GRM8: variants seen among roughly 807,000 people sequenced by gnomAD.
GRM8 encodes the protein metabotropic glutamate receptor 8.
GRM8 carries 47 observed loss-of-function variants against 87.2 expected under a neutral mutation model. The observed-to-expected ratio is 0.54, with a 90% CI of 0.43 to 0.69. The LOEUF (loss-of-function observed/expected upper bound fraction) is 0.69. GRM8 is among the 30% of genes least tolerant of loss of function. GRM8 has a pLI of 0.00. For synonymous variants in GRM8, 396 were observed against 404.5 expected, an observed-to-expected ratio of 0.98 and a Z score of 0.25; for missense variants, 1,019 against 1,139.2, an observed-to-expected ratio of 0.89 and a Z score of 1.52.
At chr7:126,845,601 C>G (rs189471072) in intron 6 of GRM8, among the ~76,000 whole-genome samples, 1 of 152,108 alleles carries the variant, frequency 6.6e-6, no homozygotes, top group Non-Finnish European at 1.5e-5. Context: ...CACATTTGTA[C>G]AATCTCATAC....
At chr7:126,752,319 C>G (rs927719235) in intron 7 of GRM8, among the ~76,000 whole-genome samples, 1 of 152,036 alleles carries the variant, frequency 6.6e-6, no homozygotes, top group Non-Finnish European at 1.5e-5. Context: ...AAAAAAATGA[C>G]TATGAAAATT....
At chr7:127,154,865 T>C (rs1792625039) in intron 2 of GRM8, among the ~76,000 whole-genome samples, 1 of 152,156 alleles carries the variant, frequency 6.6e-6, no homozygotes, top group South Asian at 2.1e-4. Flanking sequence ...GAACTCAAAC[T>C]GTCTAGAAAC....
chr7:126,885,457 T>C (rs1050030114), intron 6 of GRM8, among the ~76,000 whole-genome samples: 4 of 152,252 alleles, frequency 2.6e-5, no homozygotes, highest in Non-Finnish European at 5.9e-5. Context: ...CACAGTCTAC[T>C]CTTTTCTTCC....
At chr7:126,883,242 G>A (rs1800183303) in intron 6 of GRM8, among the ~76,000 whole-genome samples, 1 of 152,144 alleles carries the variant, frequency 6.6e-6, no homozygotes, top group Admixed American at 6.5e-5. Context: ...TCCTGGGCTA[G>A]GTAAACACCC....
At position 127,106,595 on chromosome 7, in the gene GRM8, C is replaced by T. The variant is rs140878658; in HGVS notation, c.628G>A (p.Val210Met). 18 of 1,614,122 alleles carry T rather than the reference C, an allele frequency of 1.1e-5. No homozygotes were observed. Among genetic ancestry groups the T allele is most frequent in the Admixed American group, 1.7e-5 (1 of 60,000 alleles). ...SYQAQAMVDI[V>M]TALGWNYVST... ...ACATAATTCCATCCCAGTGCTGTCA[C>T]GATGTCCACCATGGCTTGGGCTTGG... Residue 210 changes from valine (V) to methionine (M), a missense_variant, in exon 3 of 11, where the codon GTG becomes ATG. Transcript: ENST00000339582.
intron 8 of GRM8, among the ~76,000 whole-genome samples, chr7:126,609,036 C>G (rs751656424): frequency 6.6e-6 from 1 of 152,072 alleles, no homozygotes; most frequent in Non-Finnish European, 1.5e-5. Flanking sequence ...CGATTCCACA[C>G]CACCTCCAAC....
At chr7:126,528,997 G>A (rs1477980849) in intron 9 of GRM8, among the ~76,000 whole-genome samples, 1 of 152,214 alleles carries the variant, frequency 6.6e-6, no homozygotes, top group African/African-American at 2.4e-5. Flanking sequence ...TATGGCAAAA[G>A]TATCTCAATA....
intron 9 of GRM8, among the ~76,000 whole-genome samples, chr7:126,517,420 C>A (rs968567219): frequency 6.6e-6 from 1 of 151,980 alleles, no homozygotes; most frequent in Non-Finnish European, 1.5e-5. Context: ...TTTACAGACA[C>A]GAGCTGAGGC....
chr7:127,231,399 C>T (rs1213699791), intron 2 of GRM8, among the ~76,000 whole-genome samples: 1 of 152,134 alleles, frequency 6.6e-6, no homozygotes, highest in Non-Finnish European at 1.5e-5. Flanking sequence ...GCAAATTATC[C>T]ATATTTGATT....
Position 127,232,212 on chromosome 7 carries a change from T to TGTGTGTGTGTGTGTGTGTGTGTGA in GRM8, c.510+10482_510+10483insTCACACACACACACACACACACAC, listed in dbSNP as rs1491132484. On this transcript the variant is annotated intron_variant, in intron 2 of 10. Coordinates refer to ENST00000339582, the MANE Select transcript of GRM8 (RefSeq NM_000845.3). ...GTGTGTGTGTGTGTGTGTGTGTGTG[T>TGTGTGTGTGTGTGTGTGTGTGTGA]GAGAGAGAGAGAGAGAGAGAGAGAG... Among the ~76,000 whole-genome samples, 223 of 143,556 alleles carry TGTGTGTGTGTGTGTGTGTGTGTGA rather than the reference T, an allele frequency of 1.6e-3. 1 individual carries two copies. Among genetic ancestry groups the TGTGTGTGTGTGTGTGTGTGTGTGA allele is most frequent in the Admixed American group, 0.013 (178 of 14,112 alleles). 94.2% of individuals were successfully genotyped at this position (143,556 alleles called of 152,430 possible).
In GRM8 at chr7:127,030,288, C is replaced by G. The variant is rs531307651; in HGVS notation, c.727+76208G>C. Among the ~76,000 whole-genome samples the G allele has an allele frequency of 1.2e-4, 15 of 122,466 alleles. 1 individual carries two copies. The South Asian group carries it at 3.7e-3, about 30-fold the overall frequency. The allele number at this position is 122,466 out of a possible 152,430, so 80.3% of individuals were successfully genotyped here. On this transcript the variant is annotated intron_variant, in intron 3 of 10. Transcript: ENST00000339582. ...GGGATAGCTCAGCTCTGAAAAAGCACTCCCCAGAAGGTTCACCCCTCCCAG... is the reference window on the plus strand; with the variant it reads ...GGGATAGCTCAGCTCTGAAAAAGCAGTCCCCAGAAGGTTCACCCCTCCCAG...
At chr7:127,054,816 C>T (rs1210553737) in intron 3 of GRM8, among the ~76,000 whole-genome samples, 1 of 151,690 alleles carries the variant, frequency 6.6e-6, no homozygotes, top group East Asian at 1.9e-4. Flanking sequence ...TGGTAGTGTA[C>T]AGATATGGGT....
Position 126,685,248 on chromosome 7 carries a change from C to A in GRM8, c.1358-75750G>T, listed in dbSNP as rs959180567. The stretch of plus-strand genomic sequence containing the variant: ...ACCCTGGGGGCCACCATGATGGGGC[C>A]GGGCCAAGTTGCCTACAGGCAGGGG... On this transcript the variant is annotated intron_variant, in intron 7 of 10. Transcript: ENST00000339582. The surrounding 1 kb of genome is among the most constrained non-coding windows in gnomAD (Gnocchi z 4.2). Among the ~76,000 whole-genome samples the A allele has an allele frequency of 6.6e-6, 1 of 152,128 alleles. No homozygotes were observed. The highest frequency in any genetic ancestry group is 6.5e-5 in the Admixed American group (1 of 15,280).
chr7:126,766,509 T>C (rs939217048), intron 7 of GRM8, among the ~76,000 whole-genome samples: 1 of 152,142 alleles, frequency 6.6e-6, no homozygotes, highest in African/African-American at 2.4e-5. Context: ...ATGGGTCAAT[T>C]TTTTTAATTC....
At chr7:127,195,269 C>T (rs1332824727) in intron 2 of GRM8, among the ~76,000 whole-genome samples, 3 of 152,242 alleles carry the variant, frequency 2.0e-5, no homozygotes, top group South Asian at 2.1e-4. Context: ...CACATGCTTA[C>T]ACCATTTAAT....
intron 7 of GRM8, among the ~76,000 whole-genome samples, chr7:126,719,906 AT>A (rs1239642788): frequency 6.7e-6 from 1 of 149,000 alleles, no homozygotes; most frequent in South Asian, 2.1e-4. Flanking sequence ...CAAGTTCTAT[AT>A]TTTTTCTTTT....
intron 6 of GRM8, among the ~76,000 whole-genome samples, chr7:126,881,912 C>T (rs1800057753): frequency 6.6e-6 from 1 of 152,122 alleles, no homozygotes; most frequent in African/African-American, 2.4e-5. Context: ...TCTTACAAAA[C>T]ATGTAATAAT....
At chr7:127,056,894 G>C (rs1349169105) in intron 3 of GRM8, among the ~76,000 whole-genome samples, 2 of 152,152 alleles carry the variant, frequency 1.3e-5, no homozygotes, top group Admixed American at 6.6e-5. Flanking sequence ...GTTGCAGAAG[G>C]AGTGATAAAG....
chr7:126,562,829 A>G (rs12535152), intron 8 of GRM8, among the ~76,000 whole-genome samples: 46,968 of 152,052 alleles, frequency 0.31, 8,125 homozygotes, highest in East Asian at 0.44. Flanking sequence ...CCCAGGAGGC[A>G]GATATTGCGG....
Sources: gnomAD v4.1 joint callset for allele counts (sites outside exome capture counted in the v4.1 genomes callset) on GRCh38, gnomAD v4.1.1 for gene constraint, Gnocchi (gnomAD v3.1) non-coding constraint, MANE v1.5 for transcripts, NCBI Gene and HGNC (gene_info 2026-07-23, HGNC 2026-07-21) for gene names.